Variants in INTS2 observed in about 807,000 individuals in gnomAD.
INTS2 encodes integrator complex subunit 2.
INTS2 carries 57 observed loss-of-function variants against 139.6 expected under a neutral mutation model. The observed-to-expected ratio is 0.41, with a 90% confidence interval of 0.33 to 0.51. The LOEUF is 0.51. Ranked by LOEUF, INTS2 falls within the 20% of genes least tolerant of loss-of-function variation. The pLI is 0.28. For missense variants in INTS2, 1,196 were observed against 1,436.7 expected, an observed-to-expected ratio of 0.83 and a Z score of 2.71; for synonymous variants, 473 against 493.4, an observed-to-expected ratio of 0.96 and a Z score of 0.55.
intron 5 of INTS2, among the ~76,000 whole-genome samples, chr17:61,914,922 G>C (rs564530254): frequency 3.3e-5 from 5 of 151,232 alleles, no homozygotes; most frequent in African/African-American, 1.2e-4. Flanking sequence ...TCTACAAAGA[G>C]GCCAAGGACA....
At chr17:61,884,833 C>G in intron 16 of INTS2, 68 bp downstream of exon 16, 1 of 980,092 alleles carries the variant, frequency 1.0e-6, no homozygotes, top group Non-Finnish European at 1.6e-6. Flanking sequence ...TATTACACTT[C>G]ATAACATTAT....
rs760057586 is a variant in INTS2, at chr17:61,869,014, G to C, written c.3244+20C>G. 7.6e-7 allele frequency: 1 copy of C among 1,307,716 alleles called. No homozygotes were observed. The highest frequency in any genetic ancestry group is 1.2e-5 in the South Asian group (1 of 81,124). 81.0% of individuals were successfully genotyped at this position (1,307,716 alleles called of 1,614,324 possible). A position where few individuals can be genotyped will look rare whatever the true frequency, so the allele number is the denominator to read the frequency against. Reference sequence around the variant, plus strand: ...TAATAATTTATGTCAGATGTTTGTTGATGTTGATTGGCTACATACCTGTTA... The same window carrying C: ...TAATAATTTATGTCAGATGTTTGTTCATGTTGATTGGCTACATACCTGTTA... On this transcript the variant is annotated intron_variant, in intron 23 of 24. Coordinates refer to ENST00000251334, the MANE Select transcript of INTS2 (RefSeq NM_001351695.2). The surrounding 1 kb of genome is among the most constrained non-coding windows in gnomAD (Gnocchi z 5.4).
At position 61,871,028 on chromosome 17, in the gene INTS2, T is replaced by C. The variant is rs994581454; in HGVS notation, c.2779-1040A>G. On this transcript the variant is annotated intron_variant, in intron 20 of 24. Transcript: ENST00000251334. This position sits in a 1 kb window ranked among gnomAD's most constrained non-coding sequence, Gnocchi z 4.9. ...AGAACTTAGGCTAGCACCTACCATA[T>C]GGTAAGCACTACACAGATGTTAGCT... Among the ~76,000 whole-genome samples the C allele has an allele frequency of 2.6e-5, 4 of 152,226 alleles. No individual in the cohort carries two copies. The highest frequency in any genetic ancestry group is 9.6e-5 in the African/African-American group (4 of 41,462).
chr17:61,920,867 C>G (rs948004180), intron 4 of INTS2, among the ~76,000 whole-genome samples: 4 of 152,064 alleles, frequency 2.6e-5, no homozygotes, highest in African/African-American at 9.7e-5. Context: ...TCACTACAGC[C>G]TCAATCTCCC....
At position 61,897,721 on chromosome 17, in the gene INTS2, C is replaced by T; in HGVS notation, c.1326G>A (p.Gln442=). 1 of 1,607,362 alleles carries T rather than the reference C, an allele frequency of 6.2e-7. No individual in the cohort carries two copies. Residue 442 remains glutamine, a synonymous_variant, in exon 10 of 25, where the codon CAG becomes CAA. Transcript: ENST00000251334. This position sits in a 1 kb window ranked among gnomAD's most constrained non-coding sequence, Gnocchi z 4.4. ...TCCAACTTAGCCACACCACCATCAGCTGCTCCTGTTCAGGTGTACTATATA... is the reference window on the plus strand; with the variant it reads ...TCCAACTTAGCCACACCACCATCAGTTGCTCCTGTTCAGGTGTACTATATA... ...STLVSTPEQE[Q]LMVVWLSWMI... is the part of the protein sequence containing the mutation.
chr17:61,904,928 T>C (rs1368503600), intron 8 of INTS2, among the ~76,000 whole-genome samples: 2 of 151,446 alleles, frequency 1.3e-5, no homozygotes, highest in Non-Finnish European at 2.9e-5. Context: ...TTAAAAACTC[T>C]GTTGATTATA....
intron 9 of INTS2, among the ~76,000 whole-genome samples, chr17:61,899,416 A>G (rs77065021): frequency 0.028 from 4,307 of 151,878 alleles, 194 homozygotes; most frequent in African/African-American, 0.098. Flanking sequence ...ACACCCAGCT[A>G]ATTTTTTATA....
At chr17:61,883,330 T>G (rs1307035014) in intron 16 of INTS2, among the ~76,000 whole-genome samples, 1 of 148,806 alleles carries the variant, frequency 6.7e-6, no homozygotes, top group Non-Finnish European at 1.5e-5. Context: ...CTAACCAACA[T>G]GATGAAACCA....
Position 61,867,487 on chromosome 17 carries a change from G to A in INTS2, c.*70C>T. ...CTTTACTGTTCCCATTCAGTTTAGA[G>A]TTGTTACTAATATGCAGATTCATGT... On this transcript the variant is annotated 3_prime_UTR_variant, in exon 25 of 25. Coordinates refer to ENST00000251334, the MANE Select transcript of INTS2 (RefSeq NM_001351695.2). The surrounding 1 kb of genome is among the most constrained non-coding windows in gnomAD (Gnocchi z 5.6). 1 of 898,594 alleles carries A rather than the reference G, an allele frequency of 1.1e-6. No homozygotes were observed. Among genetic ancestry groups the A allele is most frequent in the Admixed American group, 2.5e-5 (1 of 40,536 alleles). The allele number at this position is 898,594 out of a possible 1,614,324, so 55.7% of individuals were successfully genotyped here.
At chr17:61,895,502 C>T (rs2079338140) in intron 11 of INTS2, 119 bp from the exon 12 acceptor site, 1 of 571,240 alleles carries the variant, frequency 1.8e-6, no homozygotes, top group East Asian at 3.3e-5. Context: ...AAGTACTCTA[C>T]TCTGTTTTAG....
intron 13 of INTS2, among the ~76,000 whole-genome samples, chr17:61,892,587 T>A (rs1645596345): frequency 6.6e-6 from 1 of 150,844 alleles, no homozygotes; most frequent in South Asian, 2.1e-4. Flanking sequence ...AGACCAGGAG[T>A]TCAAGACCAG....
chr17:61,874,490 G>A (rs956375570), intron 19 of INTS2, among the ~76,000 whole-genome samples: 5 of 152,192 alleles, frequency 3.3e-5, no homozygotes, highest in African/African-American at 7.2e-5. Flanking sequence ...TAAGGATTTA[G>A]AGCCAAATGT....
At chr17:61,915,108 G>A (rs2079566516) in intron 5 of INTS2, among the ~76,000 whole-genome samples, 1 of 151,092 alleles carries the variant, frequency 6.6e-6, no homozygotes, top group Non-Finnish European at 1.5e-5. Flanking sequence ...GGAGGCCAAG[G>A]CAGGCGATTC....
At chr17:61,877,550 G>A (rs1313985209) in intron 18 of INTS2, among the ~76,000 whole-genome samples, 1 of 152,170 alleles carries the variant, frequency 6.6e-6, no homozygotes, top group East Asian at 1.9e-4. Context: ...AACTCTCCAG[G>A]TGATTTTAAT....
At position 61,869,912 on chromosome 17, in the gene INTS2, T is replaced by C; in HGVS notation, c.2855A>G (p.Asp952Gly). 6.2e-7 allele frequency: 1 copy of C among 1,613,916 alleles called. No homozygotes were observed. Among genetic ancestry groups the C allele is most frequent in the Non-Finnish European group, 8.5e-7 (1 of 1,179,810 alleles). Residue 952 changes from aspartate (D) to glycine (G), a missense_variant, in exon 21 of 25, where the codon GAT becomes GGT. Asp to Gly is a moderately conservative substitution (Grantham distance 94, BLOSUM62 -1). Transcript: ENST00000251334. This position sits in a 1 kb window ranked among gnomAD's most constrained non-coding sequence, Gnocchi z 5.4. ...ACTTTGAACATTTCTTAACAAGCTA[T>C]CTGGATTGACACCATTTGCTTTCTC... The part of the protein sequence containing the change: ...EEEKANGVNP[D>G]SLLRNVQSVI...
In INTS2 at chr17:61,867,523, C is replaced by T. The variant is rs1446951885; in HGVS notation, c.*34G>A. On this transcript the variant is annotated 3_prime_UTR_variant, in exon 25 of 25. Transcript: ENST00000251334. This position sits in a 1 kb window ranked among gnomAD's most constrained non-coding sequence, Gnocchi z 5.6. ...TATGCAGATTCATGTTGGGTATATG[C>T]AGCAAACAACTTTTTGTTGTTTTAA... 7.0e-7 allele frequency: 1 copy of T among 1,432,674 alleles called. No homozygotes were observed. Among genetic ancestry groups the T allele is most frequent in the Non-Finnish European group, 9.7e-7 (1 of 1,033,286 alleles). 88.7% of individuals were successfully genotyped at this position (1,432,674 alleles called of 1,614,324 possible).
chr17:61,887,228 A>C (rs2079237758), intron 15 of INTS2, among the ~76,000 whole-genome samples: 1 of 152,180 alleles, frequency 6.6e-6, no homozygotes, highest in Admixed American at 6.5e-5. Flanking sequence ...CACACCTGTA[A>C]TCCCAGCACT....
chr17:61,880,353 C>T (rs2079166917), intron 17 of INTS2, among the ~76,000 whole-genome samples: 1 of 152,126 alleles, frequency 6.6e-6, no homozygotes, highest in Admixed American at 6.6e-5. Context: ...GCCTACACTG[C>T]ACTTATTTCT....
intron 5 of INTS2, among the ~76,000 whole-genome samples, chr17:61,918,057 C>G (rs1043353529): frequency 2.0e-5 from 3 of 152,082 alleles, no homozygotes; most frequent in African/African-American, 7.2e-5. Flanking sequence ...ATAGGCAAAT[C>G]CACAATTATG....
Sources: gnomAD v4.1 joint callset for allele counts (sites outside exome capture counted in the v4.1 genomes callset) on GRCh38, gnomAD v4.1.1 for gene constraint, Gnocchi (gnomAD v3.1) non-coding constraint, MANE v1.5 for transcripts, NCBI Gene and HGNC (gene_info 2026-07-23, HGNC 2026-07-21) for gene names.